OSBPL10: variants seen among roughly 807,000 people sequenced by gnomAD.
OSBPL10 encodes the protein oxysterol-binding protein-related protein 10.
Under a neutral mutation model 81.7 loss-of-function variants are expected in OSBPL10, and 49 were observed. The ratio of observed to expected loss-of-function variants is 0.60; its 90% confidence interval spans 0.48 to 0.76. The LOEUF (loss-of-function observed/expected upper bound fraction) is 0.76. Among genes scored for constraint, OSBPL10 ranks in the 30% least tolerant of loss-of-function variants. OSBPL10 has a pLI of 0.00. For missense variants in OSBPL10, 923 were observed against 987.8 expected (o/e 0.93, Z 0.88); for synonymous variants, 419 against 383.6 (o/e 1.09, Z -1.08).
chr3:31,876,558 C>CA (rs756005979), intron 2 of OSBPL10, 46 bp from the exon 3 acceptor site: 2 of 1,508,436 alleles, frequency 1.3e-6, no homozygotes, highest in Admixed American at 3.4e-5. Context: ...GAGATTGTTC[C>CA]AAAACACATC....
chr3:31,897,632 A>C (rs551838797), intron 1 of OSBPL10, among the ~76,000 whole-genome samples: 1 of 152,280 alleles, frequency 6.6e-6, no homozygotes, highest in African/African-American at 2.4e-5. Context: ...TCTAAAAGCT[A>C]CCAGAGAAAA....
intron 1 of OSBPL10, among the ~76,000 whole-genome samples, chr3:31,964,813 G>T (rs1198400080): frequency 6.6e-6 from 1 of 152,156 alleles, no homozygotes; most frequent in South Asian, 2.1e-4. Flanking sequence ...AAAATTAAAT[G>T]TAAAAGTAAG....
chr3:31,987,006 CA>C (rs577485237), intron 2 of OSBPL10, among the ~76,000 whole-genome samples: 1 of 150,952 alleles, frequency 6.6e-6, no homozygotes, highest in African/African-American at 2.4e-5. Flanking sequence ...GACCCTATCT[CA>C]AAAAAAACAG....
chr3:31,695,327 T>C (rs552531947), intron 7 of OSBPL10, among the ~76,000 whole-genome samples: 1 of 152,232 alleles, frequency 6.6e-6, no homozygotes, highest in South Asian at 2.1e-4. Context: ...TCATTATCTG[T>C]AACTGCCACC....
At chr3:31,914,397 T>A (rs567262557) in intron 1 of OSBPL10, among the ~76,000 whole-genome samples, 1 of 152,328 alleles carries the variant, frequency 6.6e-6, no homozygotes, top group Non-Finnish European at 1.5e-5. Context: ...GTGTGACTTA[T>A]CAGAGTCTGT....
chr3:31,783,240 G>C (rs1698751184), intron 4 of OSBPL10, among the ~76,000 whole-genome samples: 1 of 151,242 alleles, frequency 6.6e-6, no homozygotes, highest in Admixed American at 6.6e-5. Context: ...ATTATTCTAA[G>C]TGAAGCAACT....
intron 1 of OSBPL10, among the ~76,000 whole-genome samples, chr3:32,070,176 T>C (rs1315524477): frequency 6.6e-6 from 1 of 152,172 alleles, no homozygotes; most frequent in Admixed American, 6.6e-5. Flanking sequence ...ATTTAATTGA[T>C]ATGGGGGCTA....
chr3:31,712,002 G>A (rs1278897703), intron 6 of OSBPL10, among the ~76,000 whole-genome samples: 1 of 152,138 alleles, frequency 6.6e-6, no homozygotes, highest in Admixed American at 6.5e-5. Flanking sequence ...TCTGGGCTGG[G>A]TGTCACCAAA....
At chr3:31,801,129 T>A (rs1041082617) in intron 4 of OSBPL10, among the ~76,000 whole-genome samples, 1 of 152,082 alleles carries the variant, frequency 6.6e-6, no homozygotes, top group African/African-American at 2.4e-5. Context: ...TGCTCACAAG[T>A]CCCTGGATAC....
intron 1 of OSBPL10, among the ~76,000 whole-genome samples, chr3:31,961,920 T>TA (rs1553644050): frequency 0.014 from 2,113 of 149,736 alleles, 20 homozygotes; most frequent in Middle Eastern, 0.035. Flanking sequence ...TTTTTTTTTT[T>TA]AAGAGTTTTT....
chr3:31,835,992 ACCT>A (rs1210843690), intron 3 of OSBPL10, among the ~76,000 whole-genome samples: 20 of 152,044 alleles, frequency 1.3e-4, no homozygotes, highest in Non-Finnish European at 2.5e-4. Flanking sequence ...CTTCATATTG[ACCT>A]CCTCATTTGC....
At chr3:32,041,139 C>T (rs928520940) in intron 2 of OSBPL10, among the ~76,000 whole-genome samples, 3 of 152,134 alleles carry the variant, frequency 2.0e-5, no homozygotes, top group Admixed American at 2.0e-4. Context: ...CACCCCATGC[C>T]ACTCTAGAGA....
chr3:31,843,018 A>G, intron 3 of OSBPL10, among the ~76,000 whole-genome samples: 1 of 152,236 alleles, frequency 6.6e-6, no homozygotes, highest in Non-Finnish European at 1.5e-5. Context: ...CACGTGCTGG[A>G]CACATTGTGT....
chr3:31,791,864 TAAGA>T (rs572373047), intron 4 of OSBPL10, among the ~76,000 whole-genome samples: 2 of 143,160 alleles, frequency 1.4e-5, no homozygotes, highest in South Asian at 4.4e-4. Flanking sequence ...AAAAAAAAAA[TAAGA>T]AACAGATTAC....
At chr3:31,781,254 AATCCAGC>A (rs1698688571) in intron 4 of OSBPL10, among the ~76,000 whole-genome samples, 1 of 152,234 alleles carries the variant, frequency 6.6e-6, no homozygotes, top group African/African-American at 2.4e-5. Flanking sequence ...CATTTGACAA[AATCCAGC>A]ATTACTTTAT....
At chr3:31,972,522 G>C (rs1276949488) in intron 1 of OSBPL10, among the ~76,000 whole-genome samples, 1 of 152,198 alleles carries the variant, frequency 6.6e-6, no homozygotes, top group East Asian at 1.9e-4. Flanking sequence ...GCACTGCAGA[G>C]ACGGCTGAGT....
At chr3:31,948,005 A>C (rs1697750643) in intron 1 of OSBPL10, among the ~76,000 whole-genome samples, 1 of 152,226 alleles carries the variant, frequency 6.6e-6, no homozygotes, top group Admixed American at 6.5e-5. Context: ...AAGTGATGTC[A>C]GTCACTGGGT....
At chr3:31,793,124 C>G (rs1264537994) in intron 4 of OSBPL10, among the ~76,000 whole-genome samples, 1 of 152,124 alleles carries the variant, frequency 6.6e-6, no homozygotes, top group Non-Finnish European at 1.5e-5. Flanking sequence ...TTTATATTCA[C>G]GAACCAACCA....
At chr3:31,694,179 T>C (rs1038841842) in intron 7 of OSBPL10, among the ~76,000 whole-genome samples, 13 of 152,144 alleles carry the variant, frequency 8.5e-5, no homozygotes, top group Non-Finnish European at 1.5e-4. Context: ...AAGACCAGCC[T>C]GGCCAACATG....
Sources: gnomAD v4.1 joint callset for allele counts (sites outside exome capture counted in the v4.1 genomes callset) on GRCh38, gnomAD v4.1.1 for gene constraint, MANE v1.5 for transcripts, NCBI Gene and HGNC (gene_info 2026-07-23, HGNC 2026-07-21) for gene names.